RAB38: variants seen among roughly 807,000 people sequenced by gnomAD.
The protein encoded by RAB38 is ras-related protein Rab-38.
RAB38 carries 15 observed loss-of-function variants against 18.4 expected under a neutral mutation model. That is an observed-to-expected ratio of 0.82 (90% CI 0.55 to 1.26). The LOEUF is 1.26. Among genes scored for constraint, RAB38 ranks in the 50% most tolerant of loss-of-function variants. The pLI is 0.00. For synonymous variants in RAB38, 101 were observed against 104.4 expected (o/e 0.97, Z 0.20); for missense variants, 294 against 267.4 (o/e 1.10, Z -0.69).
At chr11:88,042,349 G>A in the RAB38 span, among the ~76,000 whole-genome samples, 5 of 152,144 alleles carry the variant, frequency 3.3e-5, no homozygotes, top group Non-Finnish European at 5.9e-5. Flanking sequence ...GCTTCTCTAG[G>A]ATGTGTTGAG....
At chr11:87,939,594 A>C in the RAB38 span, among the ~76,000 whole-genome samples, 1 of 152,170 alleles carries the variant, frequency 6.6e-6, no homozygotes, top group Admixed American at 6.6e-5. Flanking sequence ...ATGGTGACTC[A>C]CGCCTGTAAT....
chr11:88,114,067 T>C lies in RAB38; in HGVS notation c.557A>G (p.Glu186Gly), dbSNP rs149246047. The C allele has an allele frequency of 5.0e-5, 81 of 1,614,042 alleles. No homozygotes were observed. In the African/African-American group the frequency reaches 8.9e-4, roughly 18 times the overall value. ...CTTCACGACGTCCGGCTCAATAGAC[T>C]CCATTAGGTCACACTCATTTGCAAG... ...HILANECDLM[E>G]SIEPDVVKPH... Residue 186 changes from glutamate to glycine, a missense_variant, in exon 3 of 3, where the codon GAG becomes GGG. Physicochemically the swap from Glu to Gly is moderately conservative, Grantham distance 98 (BLOSUM62 -2). Transcript: ENST00000243662.
the RAB38 span, among the ~76,000 whole-genome samples, chr11:87,920,038 C>T: frequency 8.6e-5 from 13 of 151,994 alleles, no homozygotes; most frequent in African/African-American, 2.9e-4. Flanking sequence ...TTTGAGACTT[C>T]TCCCATAGTC....
chr11:87,939,968 A>C, the RAB38 span, among the ~76,000 whole-genome samples: 1 of 152,102 alleles, frequency 6.6e-6, no homozygotes, highest in African/African-American at 2.4e-5. Flanking sequence ...AAAGAAGAGC[A>C]AATTAAATCC....
chr11:87,844,823 C>T, the RAB38 span, among the ~76,000 whole-genome samples: 3 of 152,008 alleles, frequency 2.0e-5, no homozygotes, highest in Non-Finnish European at 4.4e-5. Flanking sequence ...TGGGACAGAC[C>T]CAAACCAACA....
At chr11:88,024,675 T>C in the RAB38 span, among the ~76,000 whole-genome samples, 1 of 152,174 alleles carries the variant, frequency 6.6e-6, no homozygotes, top group Non-Finnish European at 1.5e-5. Flanking sequence ...AAATGTGTAA[T>C]GTAGTACTAT....
At chr11:88,038,800 T>C in the RAB38 span, among the ~76,000 whole-genome samples, 6 of 152,222 alleles carry the variant, frequency 3.9e-5, no homozygotes, top group Admixed American at 3.9e-4. Context: ...GGCTTATTAT[T>C]TTTACTTTGA....
the RAB38 span, among the ~76,000 whole-genome samples, chr11:88,093,182 G>C: frequency 6.6e-6 from 1 of 151,900 alleles, no homozygotes; most frequent in Admixed American, 6.6e-5. Context: ...CATATGGCCA[G>C]AGTTTTCACA....
At chr11:87,942,717 G>GTC in the RAB38 span, among the ~76,000 whole-genome samples, 1 of 152,286 alleles carries the variant, frequency 6.6e-6, no homozygotes, top group East Asian at 1.9e-4. Context: ...CTGGCTGAAA[G>GTC]TCTAAATTGT....
At chr11:87,952,571 A>G in the RAB38 span, among the ~76,000 whole-genome samples, 1 of 152,188 alleles carries the variant, frequency 6.6e-6, no homozygotes, top group South Asian at 2.1e-4. Flanking sequence ...TGTTGGTCCA[A>G]GAGGAACACA....
chr11:87,855,316 A>G, the RAB38 span, among the ~76,000 whole-genome samples: 30,095 of 152,090 alleles, frequency 0.2, 3,803 homozygotes, highest in African/African-American at 0.34. Flanking sequence ...TATCATACCC[A>G]GGAAAAAACA....
the RAB38 span, among the ~76,000 whole-genome samples, chr11:88,043,010 C>CCA: frequency 2.0e-5 from 3 of 150,346 alleles, no homozygotes; most frequent in Non-Finnish European, 2.9e-5. Context: ...AGCTCTCTCA[C>CCA]CACACACACA....
intron 1 of RAB38, among the ~76,000 whole-genome samples, chr11:88,159,305 T>C (rs1943161478): frequency 1.3e-5 from 2 of 151,232 alleles, no homozygotes. Context: ...CAAGGAGAAC[T>C]ATGAAACACT....
intron 2 of RAB38, among the ~76,000 whole-genome samples, chr11:88,134,758 T>C (rs2134801179): frequency 6.6e-6 from 1 of 152,324 alleles, no homozygotes; most frequent in Middle Eastern, 3.4e-3. Context: ...TCACTATAAT[T>C]CAGGTTCAAC....
At chr11:88,022,247 G>A in the RAB38 span, among the ~76,000 whole-genome samples, 5 of 131,202 alleles carry the variant, frequency 3.8e-5, no homozygotes, top group South Asian at 1.3e-3. Context: ...AAAATCACAA[G>A]ATTATTTCAA....
chr11:87,857,957 C>G, the RAB38 span, among the ~76,000 whole-genome samples: 20 of 152,092 alleles, frequency 1.3e-4, no homozygotes, highest in South Asian at 1.9e-3. Flanking sequence ...GTCCTGAATG[C>G]TATTGCCTAG....
At chr11:87,949,245 T>G in the RAB38 span, among the ~76,000 whole-genome samples, 2 of 152,232 alleles carry the variant, frequency 1.3e-5, no homozygotes, top group Non-Finnish European at 2.9e-5. Context: ...AGCCCCTTTA[T>G]CATATTTTAT....
the RAB38 span, among the ~76,000 whole-genome samples, chr11:88,038,418 T>A: frequency 6.6e-6 from 1 of 152,222 alleles, no homozygotes; most frequent in African/African-American, 2.4e-5. Flanking sequence ...CCATAATGTT[T>A]GCTTATCATC....
At chr11:88,027,393 C>T in the RAB38 span, among the ~76,000 whole-genome samples, 6 of 152,172 alleles carry the variant, frequency 3.9e-5, no homozygotes, top group Admixed American at 2.0e-4. Context: ...GTGCGTGCAC[C>T]GTGTGCGAGC....
Sources: allele counts gnomAD v4.1 joint callset (sites outside exome capture counted in the v4.1 genomes callset), GRCh38; gene constraint gnomAD v4.1.1; transcripts MANE v1.5; gene names NCBI Gene and HGNC (gene_info 2026-07-23, HGNC 2026-07-21).